Variants in KIAA1328 observed in about 807,000 individuals in gnomAD.
KIAA1328 encodes the protein KIAA1328.
In KIAA1328, 52 loss-of-function variants were observed where a neutral mutation model predicts 68.1. The observed-to-expected ratio is 0.76, with a 90% confidence interval of 0.61 to 0.96. The LOEUF is 0.96. Among genes scored for constraint, KIAA1328 ranks in the 40% least tolerant of loss-of-function variants. The probability of loss-of-function intolerance (pLI) is 0.00; values close to 1 mark genes in which losing one functional copy is unlikely to be tolerated. For missense variants in KIAA1328, 641 were observed against 677.6 expected, an observed-to-expected ratio of 0.95 and a Z score of 0.60; for synonymous variants, 232 against 239.4, an observed-to-expected ratio of 0.97 and a Z score of 0.28.
At chr18:37,113,096 A>G (rs765505340) in intron 7 of KIAA1328, among the ~76,000 whole-genome samples, 19 of 152,214 alleles carry the variant, frequency 1.2e-4, no homozygotes, top group Non-Finnish European at 2.1e-4. Context: ...CAGGATATCA[A>G]CCAGGAGAAC....
intron 6 of KIAA1328, among the ~76,000 whole-genome samples, chr18:37,063,085 G>A (rs867604534): frequency 4.0e-4 from 60 of 149,822 alleles, no homozygotes; most frequent in Admixed American, 1.7e-3. Context: ...TGTGCACAAC[G>A]TGCAGGTTTG....
chr18:36,923,439 T>A (rs1385769453), intron 5 of KIAA1328, among the ~76,000 whole-genome samples: 1 of 152,014 alleles, frequency 6.6e-6, no homozygotes. Context: ...AGAAGACAAA[T>A]TACCAAATTA....
At chr18:37,177,952 T>G (rs904753764) in intron 9 of KIAA1328, among the ~76,000 whole-genome samples, 1 of 152,132 alleles carries the variant, frequency 6.6e-6, no homozygotes, top group Non-Finnish European at 1.5e-5. Flanking sequence ...CCTCATACAT[T>G]TATCATTTCT....
At chr18:37,012,063 T>C (rs746700104) in intron 6 of KIAA1328, among the ~76,000 whole-genome samples, 1 of 152,182 alleles carries the variant, frequency 6.6e-6, no homozygotes, top group Non-Finnish European at 1.5e-5. Context: ...CAGGAAGGAA[T>C]GTAATACTTG....
chr18:37,182,789 T>C (rs1269470329), intron 9 of KIAA1328, among the ~76,000 whole-genome samples: 11 of 152,234 alleles, frequency 7.2e-5, no homozygotes, highest in Admixed American at 1.3e-4. Context: ...TATTAATAGC[T>C]ATTTTATAAA....
intron 6 of KIAA1328, among the ~76,000 whole-genome samples, chr18:37,039,844 C>T (rs1026804387): frequency 5.3e-5 from 8 of 152,146 alleles, no homozygotes; most frequent in South Asian, 2.1e-4. Context: ...ATACTACAGA[C>T]GTGAAATGTA....
At chr18:37,063,877 A>G (rs2056246019) in intron 6 of KIAA1328, among the ~76,000 whole-genome samples, 1 of 152,174 alleles carries the variant, frequency 6.6e-6, no homozygotes, top group Admixed American at 6.5e-5. Context: ...GGATATGAAT[A>G]TATAATATAA....
chr18:37,022,243 G>T (rs1439589006), intron 6 of KIAA1328, among the ~76,000 whole-genome samples: 2 of 152,054 alleles, frequency 1.3e-5, no homozygotes, highest in Admixed American at 6.6e-5. Flanking sequence ...GTCTGATAGA[G>T]TGTCTGGTTA....
At chr18:36,931,734 C>A (rs763828368) in intron 5 of KIAA1328, among the ~76,000 whole-genome samples, 3 of 151,896 alleles carry the variant, frequency 2.0e-5, no homozygotes, top group Non-Finnish European at 4.4e-5. Flanking sequence ...TATAAAGTGG[C>A]CAGAAATGTA....
At chr18:37,094,002 G>T (rs1417323263) in intron 7 of KIAA1328, among the ~76,000 whole-genome samples, 6 of 152,192 alleles carry the variant, frequency 3.9e-5, no homozygotes, top group African/African-American at 1.4e-4. Flanking sequence ...TGAGGAAATG[G>T]TTTCATGGAA....
At chr18:37,008,090 T>G (rs573994158) in intron 6 of KIAA1328, among the ~76,000 whole-genome samples, 2 of 152,274 alleles carry the variant, frequency 1.3e-5, no homozygotes, top group African/African-American at 2.4e-5. Context: ...GTTTCCAAGT[T>G]TTTTCTCCCT....
intron 7 of KIAA1328, among the ~76,000 whole-genome samples, chr18:37,154,361 C>T (rs1331283057): frequency 1.3e-5 from 2 of 152,208 alleles, no homozygotes; most frequent in African/African-American, 4.8e-5. Flanking sequence ...CTATTAGAGG[C>T]CATTCTTTCT....
intron 6 of KIAA1328, among the ~76,000 whole-genome samples, chr18:37,030,783 T>G (rs1434894898): frequency 6.6e-6 from 1 of 152,168 alleles, no homozygotes; most frequent in East Asian, 1.9e-4. Flanking sequence ...GCTGCACCCA[T>G]TAACTCATCA....
At chr18:37,154,950 T>G (rs1490645913) in intron 7 of KIAA1328, among the ~76,000 whole-genome samples, 1 of 152,164 alleles carries the variant, frequency 6.6e-6, no homozygotes, top group African/African-American at 2.4e-5. Context: ...TTATTTCCCT[T>G]GACCCCCAGT....
At chr18:37,004,481 AAATGGCT>A (rs2053704160) in intron 6 of KIAA1328, among the ~76,000 whole-genome samples, 1 of 152,174 alleles carries the variant, frequency 6.6e-6, no homozygotes, top group Non-Finnish European at 1.5e-5. Context: ...GAATATATAC[AAATGGCT>A]AATAAACATA....
intron 7 of KIAA1328, among the ~76,000 whole-genome samples, chr18:37,155,070 T>G (rs2059124897): frequency 6.6e-6 from 1 of 152,194 alleles, no homozygotes; most frequent in South Asian, 2.1e-4. Flanking sequence ...TGATTTCTAT[T>G]TCTGTTAGGG....
chr18:36,843,396 G>A (rs1232200987), intron 3 of KIAA1328, among the ~76,000 whole-genome samples: 6 of 152,044 alleles, frequency 3.9e-5, no homozygotes, highest in Admixed American at 3.3e-4. Context: ...TGGTGGTTGC[G>A]CAAATGCCAA....
chr18:37,083,991 C>G (rs777408778), intron 7 of KIAA1328: 3 of 421,904 alleles, frequency 7.1e-6, no homozygotes, highest in Non-Finnish European at 1.2e-5. Context: ...AAGAATTACT[C>G]ATTTATTTTT....
At chr18:37,079,903 A>C (rs2151793838) in intron 7 of KIAA1328, among the ~76,000 whole-genome samples, 1 of 150,088 alleles carries the variant, frequency 6.7e-6, no homozygotes, top group East Asian at 1.9e-4. Flanking sequence ...AAAAAAAAAC[A>C]GTTCAATAAG....
Sources: allele counts gnomAD v4.1 joint callset (sites outside exome capture counted in the v4.1 genomes callset), GRCh38; gene constraint gnomAD v4.1.1; transcripts MANE v1.5; gene names NCBI Gene and HGNC (gene_info 2026-07-23, HGNC 2026-07-21).